BCAR3: variants seen among roughly 807,000 people sequenced by gnomAD.
The protein encoded by BCAR3 is BCAR3 adaptor protein, NSP family member.
A neutral mutation model predicts 80.1 loss-of-function variants in BCAR3; 37 were observed. The observed-to-expected ratio is 0.46, with a 90% confidence interval of 0.36 to 0.61. The LOEUF is 0.61. Ranked by LOEUF, BCAR3 falls within the 20% of genes least tolerant of loss-of-function variation. The pLI, the probability that BCAR3 is intolerant of heterozygous loss-of-function variation, is 0.00. For missense variants in BCAR3, 978 were observed against 1,068.2 expected (o/e 0.92, Z 1.18); for synonymous variants, 389 against 418.9 (o/e 0.93, Z 0.87).
At chr1:93,835,348 C>T (rs11804184) in intron 2 of BCAR3, among the ~76,000 whole-genome samples, 21,090 of 152,148 alleles carry the variant, frequency 0.14, 2,374 homozygotes, top group African/African-American at 0.3. Flanking sequence ...CTCAGGGCAA[C>T]GCTTATGCTG....
At chr1:93,836,706 T>G (rs931291485) in intron 2 of BCAR3, among the ~76,000 whole-genome samples, 1 of 152,116 alleles carries the variant, frequency 6.6e-6, no homozygotes, top group African/African-American at 2.4e-5. Context: ...CAAGCCTGCA[T>G]GTATACATCC....
Position 93,837,482 on chromosome 1 carries a change from T to C in BCAR3, c.-63+8085A>G, listed in dbSNP as rs925081860. Reference sequence around the variant, plus strand: ...CCACTCAGCTCCTGTTCCTGGTCTCTCCTTCCTTTTTACTTCTCTGTTGCT... The same window carrying C: ...CCACTCAGCTCCTGTTCCTGGTCTCCCCTTCCTTTTTACTTCTCTGTTGCT... On this transcript the variant is annotated intron_variant, in intron 2 of 13. Transcript: ENST00000370244. Among the ~76,000 whole-genome samples, 5 of 152,334 alleles carry C rather than the reference T, an allele frequency of 3.3e-5. No individual in the cohort carries two copies. In the East Asian group the frequency reaches 9.7e-4, roughly 29 times the overall value.
At chr1:93,577,162 AG>A in intron 7 of BCAR3, among the ~76,000 whole-genome samples, 1 of 152,326 alleles carries the variant, frequency 6.6e-6, no homozygotes, top group East Asian at 1.9e-4. Context: ...TAAAAACAAA[AG>A]AAAAATTAAA....
At chr1:93,587,897 G>A (rs939820053) in intron 5 of BCAR3, among the ~76,000 whole-genome samples, 11 of 152,014 alleles carry the variant, frequency 7.2e-5, no homozygotes, top group Non-Finnish European at 1.0e-4. Flanking sequence ...TGTGAAAGAC[G>A]GGCCCTATAC....
chr1:93,585,106 T>C, intron 5 of BCAR3: 2 of 985,388 alleles, frequency 2.0e-6, no homozygotes, highest in South Asian at 4.7e-5. Flanking sequence ...AGAAGTGATA[T>C]TTAAGCAGTG....
At chr1:93,674,348 C>T (rs995160971) in intron 2 of BCAR3, among the ~76,000 whole-genome samples, 5 of 152,178 alleles carry the variant, frequency 3.3e-5, no homozygotes, top group African/African-American at 9.7e-5. Flanking sequence ...CTCTGCCTCC[C>T]GGATTCAAGT....
intron 3 of BCAR3, among the ~76,000 whole-genome samples, chr1:93,686,954 G>T (rs1024853322): frequency 6.6e-6 from 1 of 152,188 alleles, no homozygotes; most frequent in Non-Finnish European, 1.5e-5. Flanking sequence ...ACCCAGCATA[G>T]GTCAGGTTCC....
intron 3 of BCAR3, among the ~76,000 whole-genome samples, chr1:93,696,040 CTCTT>C (rs1649381845): frequency 6.8e-6 from 1 of 148,060 alleles, no homozygotes; most frequent in African/African-American, 2.5e-5. Flanking sequence ...TACTGCTTCT[CTCTT>C]TTTTTTTTTT....
chr1:93,575,336 AGGCT>A (rs2101815919), intron 8 of BCAR3, among the ~76,000 whole-genome samples: 1 of 152,332 alleles, frequency 6.6e-6, no homozygotes, highest in South Asian at 2.1e-4. Flanking sequence ...TGTGTCAAAA[AGGCT>A]GGCTTTGTGG....
chr1:93,820,816 G>T (rs1471030047), intron 2 of BCAR3, among the ~76,000 whole-genome samples: 1 of 152,054 alleles, frequency 6.6e-6, no homozygotes, highest in African/African-American at 2.4e-5. Context: ...CCCTCTAATC[G>T]TAAGCTTGAT....
chr1:93,758,863 C>T (rs1179242681), intron 2 of BCAR3, among the ~76,000 whole-genome samples: 2 of 152,098 alleles, frequency 1.3e-5, no homozygotes, highest in Admixed American at 6.6e-5. Flanking sequence ...GTTAGAGAAC[C>T]GAATAGGAGA....
chr1:93,777,277 G>A (rs1332140826), intron 2 of BCAR3, among the ~76,000 whole-genome samples: 1 of 152,170 alleles, frequency 6.6e-6, no homozygotes, highest in African/African-American at 2.4e-5. Flanking sequence ...GCAGCCATAG[G>A]AAACTAATAC....
intron 11 of BCAR3, among the ~76,000 whole-genome samples, chr1:93,566,821 G>A (rs1440592282): frequency 5.9e-5 from 9 of 152,078 alleles, no homozygotes; most frequent in African/African-American, 9.7e-5. Context: ...TCCGCCTCCC[G>A]GGTTCAAGTG....
intron 2 of BCAR3, among the ~76,000 whole-genome samples, chr1:93,739,453 ACAGT>A (rs950864484): frequency 1.3e-5 from 2 of 152,240 alleles, no homozygotes; most frequent in African/African-American, 4.8e-5. Context: ...ATCTTTTAAT[ACAGT>A]ATTAAAATAT....
chr1:93,668,869 G>A (rs1279381982), intron 2 of BCAR3, among the ~76,000 whole-genome samples: 10 of 151,860 alleles, frequency 6.6e-5, no homozygotes, highest in Non-Finnish European at 1.2e-4. Context: ...GTGCCACTAC[G>A]CCCAACTAAT....
At chr1:93,596,467 C>T (rs1410139991) in intron 3 of BCAR3, among the ~76,000 whole-genome samples, 1 of 152,164 alleles carries the variant, frequency 6.6e-6, no homozygotes, top group African/African-American at 2.4e-5. Context: ...TCAAATCATC[C>T]TCAATCCCTC....
At chr1:93,631,569 C>G (rs886591915) in intron 3 of BCAR3, among the ~76,000 whole-genome samples, 1 of 152,160 alleles carries the variant, frequency 6.6e-6, no homozygotes, top group African/African-American at 2.4e-5. Flanking sequence ...ACAGGCCACA[C>G]CAGATTCGAA....
At chr1:93,575,200 C>T (rs904455692) in intron 8 of BCAR3, among the ~76,000 whole-genome samples, 1 of 152,196 alleles carries the variant, frequency 6.6e-6, no homozygotes, top group Admixed American at 6.5e-5. Context: ...AGAAAGCTTT[C>T]CTGGACAGCA....
chr1:93,837,951 A>T (rs1654826141), intron 2 of BCAR3, among the ~76,000 whole-genome samples: 1 of 152,226 alleles, frequency 6.6e-6, no homozygotes, highest in African/African-American at 2.4e-5. Flanking sequence ...AGTCATGTTC[A>T]AGGCTCTAGC....
Sources: gnomAD v4.1 joint callset for allele counts (sites outside exome capture counted in the v4.1 genomes callset) on GRCh38, gnomAD v4.1.1 for gene constraint, MANE v1.5 for transcripts, NCBI Gene and HGNC (gene_info 2026-07-23, HGNC 2026-07-21) for gene names.